The following TRPC6 variants were observed in gnomAD, a reference collection of about 807,000 sequenced individuals.
TRPC6 encodes transient receptor potential cation channel subfamily C member 6.
In TRPC6, 55 loss-of-function variants were observed where a neutral mutation model predicts 90.7. That is an observed-to-expected ratio of 0.61 (90% CI 0.49 to 0.76). TRPC6 has a LOEUF of 0.76. Ranked by LOEUF, TRPC6 falls within the 30% of genes least tolerant of loss-of-function variation. The probability of loss-of-function intolerance (pLI) is 0.00; values close to 1 mark genes in which losing one functional copy is unlikely to be tolerated. For synonymous variants in TRPC6, 393 were observed against 393.0 expected (o/e 1.00, Z 0.00); for missense variants, 989 against 1,122.7 (o/e 0.88, Z 1.70).
intron 4 of TRPC6, among the ~76,000 whole-genome samples, chr11:101,487,722 T>A (rs1278150236): frequency 6.6e-6 from 1 of 152,192 alleles, no homozygotes; most frequent in Non-Finnish European, 1.5e-5. Context: ...TGTTCCTCAT[T>A]TATATTATGA....
intron 10 of TRPC6, among the ~76,000 whole-genome samples, chr11:101,463,200 A>T (rs1394530189): frequency 6.6e-6 from 1 of 152,078 alleles, no homozygotes; most frequent in Non-Finnish European, 1.5e-5. Context: ...GTGCTGCTGG[A>T]TTCGGTTTGC....
Position 101,583,381 on chromosome 11 carries a change from G to A in TRPC6, c.123C>T (p.Asp41=), listed in dbSNP as rs767327382. Residue 41 remains aspartate (D), a synonymous_variant, in exon 1 of 13, where the codon GAC becomes GAT. Coordinates refer to ENST00000344327, the MANE Select transcript of TRPC6 (RefSeq NM_004621.6). ...YLLMDSELGE[D]GCPQAPLPCY... is the part of the protein sequence containing the mutation. ...AAGGCAGCGGGGCTTGCGGGCAGCCGTCTTCTCCCAGCTCCGAGTCCATGA... is the reference window on the plus strand; with the variant it reads ...AAGGCAGCGGGGCTTGCGGGCAGCCATCTTCTCCCAGCTCCGAGTCCATGA... The A allele has an allele frequency of 5.0e-6, 8 of 1,593,404 alleles. No homozygotes were observed. The highest frequency in any genetic ancestry group is 6.8e-6 in the Non-Finnish European group (8 of 1,170,298).
intron 2 of TRPC6, among the ~76,000 whole-genome samples, chr11:101,500,210 C>CTTTTTTTT (rs373591780): frequency 2.9e-5 from 4 of 137,704 alleles, no homozygotes; most frequent in Admixed American, 7.3e-5. Context: ...TATTTTTTTT[C>CTTTTTTTT]TTTCTTTTTT....
At chr11:101,477,984 C>T (rs1473463383) in intron 5 of TRPC6, among the ~76,000 whole-genome samples, 1 of 152,196 alleles carries the variant, frequency 6.6e-6, no homozygotes, top group East Asian at 1.9e-4. Flanking sequence ...ACAACCCAAA[C>T]CAACAACTGA....
intron 1 of TRPC6, among the ~76,000 whole-genome samples, chr11:101,513,268 T>C (rs756368822): frequency 6.6e-6 from 1 of 152,176 alleles, no homozygotes; most frequent in South Asian, 2.1e-4. Context: ...AAGAAGCCCA[T>C]TGATGCAGTC....
intron 1 of TRPC6, among the ~76,000 whole-genome samples, chr11:101,576,245 G>T (rs1315929019): frequency 6.6e-6 from 1 of 152,098 alleles, no homozygotes; most frequent in African/African-American, 2.4e-5. Flanking sequence ...TACAGAATAG[G>T]TATTCAAAAA....
At chr11:101,514,920 A>C (rs886086376) in intron 1 of TRPC6, among the ~76,000 whole-genome samples, 1 of 152,218 alleles carries the variant, frequency 6.6e-6, no homozygotes, top group African/African-American at 2.4e-5. Context: ...ATTTGGAAGA[A>C]CAAAGCTTTA....
intron 10 of TRPC6, among the ~76,000 whole-genome samples, chr11:101,466,671 C>T (rs942556874): frequency 2.0e-5 from 3 of 152,198 alleles, no homozygotes; most frequent in Non-Finnish European, 4.4e-5. Flanking sequence ...CCGAGCCAGA[C>T]CACTTGTCTC....
In TRPC6 at chr11:101,526,239, T is replaced by G. The variant is rs189081061; in HGVS notation, c.171-21441A>C. Among the ~76,000 whole-genome samples, 198 of 152,314 alleles carry G rather than the reference T, an allele frequency of 1.3e-3. 1 individual carries two copies. The highest frequency in any genetic ancestry group is 2.3e-3 in the Non-Finnish European group (154 of 68,022). On this transcript the variant is annotated intron_variant, in intron 1 of 12. Coordinates refer to ENST00000344327, the MANE Select transcript of TRPC6 (RefSeq NM_004621.6). Reference sequence around the variant, plus strand: ...TGCAGACCCCTCTAATGAATGGAACTGTTTCCTCCAGTAGAGAGAAGACCA... The same window carrying G: ...TGCAGACCCCTCTAATGAATGGAACGGTTTCCTCCAGTAGAGAGAAGACCA...
intron 10 of TRPC6, among the ~76,000 whole-genome samples, chr11:101,466,378 A>T (rs760085168): frequency 6.6e-6 from 1 of 152,200 alleles, no homozygotes; most frequent in Non-Finnish European, 1.5e-5. Context: ...GACTGGGGCT[A>T]CTGCCTTTCT....
At chr11:101,453,599 C>A (rs1298508806) in intron 12 of TRPC6, 51 bp downstream of exon 12, 2 of 1,557,532 alleles carry the variant, frequency 1.3e-6, no homozygotes, top group Admixed American at 1.7e-5. Context: ...TGCGCTAGGC[C>A]CCCGTCCTGA....
intron 1 of TRPC6, among the ~76,000 whole-genome samples, chr11:101,529,101 C>T (rs1388204296): frequency 6.6e-6 from 1 of 152,092 alleles, no homozygotes; most frequent in East Asian, 1.9e-4. Flanking sequence ...TAAATAAAGA[C>T]TTCTGGATCC....
intron 10 of TRPC6, among the ~76,000 whole-genome samples, chr11:101,459,603 A>G (rs1232264068): frequency 6.6e-6 from 1 of 152,202 alleles, no homozygotes; most frequent in African/African-American, 2.4e-5. Flanking sequence ...AATTTTCCAC[A>G]TTTTTAGAGA....
intron 1 of TRPC6, among the ~76,000 whole-genome samples, chr11:101,528,369 G>T (rs1860831347): frequency 6.6e-6 from 1 of 152,104 alleles, no homozygotes; most frequent in African/African-American, 2.4e-5. Context: ...TTGTGCCTTG[G>T]ATAAACCTCA....
chr11:101,535,394 T>G (rs1166432100), intron 1 of TRPC6, among the ~76,000 whole-genome samples: 2 of 111,784 alleles, frequency 1.8e-5, no homozygotes, highest in East Asian at 4.0e-4. Context: ...AATCTTATTA[T>G]TATTTTTTTT....
At chr11:101,562,047 G>C (rs1165782409) in intron 1 of TRPC6, among the ~76,000 whole-genome samples, 2 of 152,056 alleles carry the variant, frequency 1.3e-5, no homozygotes, top group Non-Finnish European at 2.9e-5. Context: ...GGTGCTGGTT[G>C]CCTGGGTGAG....
intron 1 of TRPC6, among the ~76,000 whole-genome samples, chr11:101,575,397 G>A (rs895163121): frequency 6.6e-6 from 1 of 152,108 alleles, no homozygotes; most frequent in Non-Finnish European, 1.5e-5. Context: ...AAAATCCTTT[G>A]CTCTTCCCTT....
Position 101,583,651 on chromosome 11 carries a change from G to T in TRPC6, c.-148C>A. 2 of 809,760 alleles carry T rather than the reference G, an allele frequency of 2.5e-6. No homozygotes were observed. Among genetic ancestry groups the T allele is most frequent in the Non-Finnish European group, 3.5e-6 (2 of 568,344 alleles). 50.2% of individuals were successfully genotyped at this position (809,760 alleles called of 1,614,324 possible). A position where few individuals can be genotyped will look rare whatever the true frequency, so the allele number is the denominator to read the frequency against. ...AGGGGACGACGGTGAAGCAGGGGGT[G>T]CAGACGCCCGCCGCAAGTGGCTCGC... On this transcript the variant is annotated 5_prime_UTR_variant, in exon 1 of 13. Coordinates refer to ENST00000344327, the MANE Select transcript of TRPC6 (RefSeq NM_004621.6).
At chr11:101,525,471 G>A (rs1037504811) in intron 1 of TRPC6, among the ~76,000 whole-genome samples, 2 of 152,204 alleles carry the variant, frequency 1.3e-5, no homozygotes, top group African/African-American at 4.8e-5. Context: ...AAAGGGAAGA[G>A]ACTAGGACAA....
Sources: allele counts gnomAD v4.1 joint callset (sites outside exome capture counted in the v4.1 genomes callset), GRCh38; gene constraint gnomAD v4.1.1; transcripts MANE v1.5; gene names NCBI Gene and HGNC (gene_info 2026-07-23, HGNC 2026-07-21).